PAQR7: variants seen among roughly 807,000 people sequenced by gnomAD.
The protein encoded by PAQR7 is progestin and adipoQ receptor family member 7.
Under a neutral mutation model 24.6 loss-of-function variants are expected in PAQR7, and 14 were observed. The observed-to-expected ratio is 0.57, with a 90% CI of 0.38 to 0.89. The LOEUF is 0.89. Among genes scored for constraint, PAQR7 ranks in the 40% least tolerant of loss-of-function variants. PAQR7 has a pLI of 0.00. For synonymous variants in PAQR7, 189 were observed against 198.8 expected (o/e 0.95, Z 0.42); for missense variants, 351 against 444.0 (o/e 0.79, Z 1.88).
intron 1 of PAQR7, among the ~76,000 whole-genome samples, chr1:25,873,461 A>G (rs939597346): frequency 2.0e-5 from 3 of 152,122 alleles, no homozygotes; most frequent in Admixed American, 1.3e-4. Context: ...CAAAGTGTTT[A>G]AAGAAAAAGT....
intron 1 of PAQR7, among the ~76,000 whole-genome samples, chr1:25,874,263 C>A (rs1368973175): frequency 4.0e-5 from 6 of 151,578 alleles, no homozygotes; most frequent in Non-Finnish European, 8.8e-5. Flanking sequence ...TCACTGCAAC[C>A]TTGAACTCAC....
rs2048565146 is a variant in PAQR7, at chr1:25,867,288, G to A, written c.-23+3321C>T. On this transcript the variant is annotated intron_variant, in intron 2 of 2. Transcript: ENST00000675840. ...TGGCCTCAAGCGACCCTCCCACTCG[G>A]CCTCCCAAAGTGCTGGGATTACAAA... Among the ~76,000 whole-genome samples the A allele has an allele frequency of 2.0e-5, 3 of 152,108 alleles. No homozygotes were observed. In the South Asian group the frequency reaches 6.2e-4, roughly 31 times the overall value.
Position 25,863,146 on chromosome 1 carries a change from T to G in PAQR7, c.694A>C (p.Thr232Pro). 1 of 1,614,140 alleles carries G rather than the reference T, an allele frequency of 6.2e-7. No individual in the cohort carries two copies. Among genetic ancestry groups the G allele is most frequent in the Non-Finnish European group, 8.5e-7 (1 of 1,180,040 alleles). ...VHRIFVSSDP[T>P]TDDPALLYHK... ...TAGAGAAGAGCTGGATCATCCGTGG[T>G]GGGGTCGGAGGACACGAAGATACGA... Residue 232 changes from threonine (T) to proline (P), a missense_variant, in exon 3 of 3, where the codon ACC becomes CCC. By Grantham distance (38) the Thr-to-Pro change is conservative. Transcript: ENST00000675840. The surrounding 1 kb of genome is among the most constrained non-coding windows in gnomAD (Gnocchi z 6.1).
At chr1:25,870,069 A>T (rs1393546854) in intron 2 of PAQR7, among the ~76,000 whole-genome samples, 1 of 152,080 alleles carries the variant, frequency 6.6e-6, no homozygotes, top group East Asian at 1.9e-4. Flanking sequence ...ATGGAAAGGG[A>T]CTCTGATCCA....
At chr1:25,871,501 G>A (rs890623276) in intron 1 of PAQR7, among the ~76,000 whole-genome samples, 1 of 152,130 alleles carries the variant, frequency 6.6e-6, no homozygotes, top group Non-Finnish European at 1.5e-5. Flanking sequence ...GCTCCAGTGG[G>A]AGTGCCTCTG....
intron 1 of PAQR7, among the ~76,000 whole-genome samples, chr1:25,871,600 C>T (rs1458086848): frequency 6.6e-6 from 1 of 152,092 alleles, no homozygotes; most frequent in East Asian, 1.9e-4. Flanking sequence ...GTCAGCCCTC[C>T]TCACCTCTCT....
In PAQR7 at chr1:25,862,328, A is replaced by G; in HGVS notation, c.*471T>C. The stretch of plus-strand genomic sequence containing the variant: ...CTCCAACACTTGTGGCTGGGCTTCA[A>G]GGGACAGTAAGATCCTGTATATATT... On this transcript the variant is annotated 3_prime_UTR_variant, in exon 3 of 3. Coordinates refer to ENST00000675840, the MANE Select transcript of PAQR7 (RefSeq NM_178422.6). 1 of 160,922 alleles carries G rather than the reference A, an allele frequency of 6.2e-6. No individual in the cohort carries two copies. Among genetic ancestry groups the G allele is most frequent in the Non-Finnish European group, 1.4e-5 (1 of 73,708 alleles). 10.0% of individuals were successfully genotyped at this position (160,922 alleles called of 1,614,324 possible).
intron 2 of PAQR7, among the ~76,000 whole-genome samples, chr1:25,867,785 C>T (rs765572292): frequency 1.3e-5 from 2 of 152,244 alleles, no homozygotes; most frequent in Non-Finnish European, 2.9e-5. Context: ...GCCTGATTTG[C>T]ATTCCTAAGC....
At position 25,863,292 on chromosome 1, in the gene PAQR7, C is replaced by T. The variant is rs2048527570; in HGVS notation, c.548G>A (p.Trp183Ter). 3 of 1,614,118 alleles carry T rather than the reference C, an allele frequency of 1.9e-6. No homozygotes were observed. Among genetic ancestry groups the T allele is most frequent in the Admixed American group, 3.3e-5 (2 of 60,004 alleles). ...VFLPMAAFLAWLSCIGSCYNK... is the reference protein window; with the variant it reads ...VFLPMAAFLA ...ATAGCAGGAGCCAATGCAGGAAAGCCAGGCGAGAAAGGCAGCCATGGGCAG... is the reference window on the plus strand; with the variant it reads ...ATAGCAGGAGCCAATGCAGGAAAGCTAGGCGAGAAAGGCAGCCATGGGCAG... Residue 183 changes from tryptophan to a stop codon, truncating the protein, a stop_gained, in exon 3 of 3, where the codon TGG (tryptophan) becomes TAG (stop). Coordinates refer to ENST00000675840, the MANE Select transcript of PAQR7 (RefSeq NM_178422.6). LOFTEE classifies it high-confidence loss of function. This position sits in a 1 kb window ranked among gnomAD's most constrained non-coding sequence, Gnocchi z 6.1.
intron 2 of PAQR7, among the ~76,000 whole-genome samples, chr1:25,865,312 C>T (rs1235078702): frequency 1.3e-5 from 2 of 152,190 alleles, no homozygotes; most frequent in Non-Finnish European, 2.9e-5. Context: ...CAAGGGGAGG[C>T]AGTTTGTCTC....
intron 1 of PAQR7, among the ~76,000 whole-genome samples, chr1:25,874,655 CCAGACTCCGAATCCATCGAACTGTT>C (rs1372850330): frequency 6.6e-6 from 1 of 152,176 alleles, no homozygotes; most frequent in Non-Finnish European, 1.5e-5. Flanking sequence ...CCAGGAGCAG[CCAGACTCCGAATCCATCGAACTGTT>C]CAGACTCCGA....
chr1:25,865,527 A>AGGCCG (rs1264182777), intron 2 of PAQR7, among the ~76,000 whole-genome samples: 2 of 150,050 alleles, frequency 1.3e-5, no homozygotes, highest in Non-Finnish European at 3.0e-5. Context: ...ATACAAAACT[A>AGGCCG]GGCCGGGCAT....
At chr1:25,870,263 T>A (rs2124197488) in intron 2 of PAQR7, among the ~76,000 whole-genome samples, 1 of 152,292 alleles carries the variant, frequency 6.6e-6, no homozygotes, top group Middle Eastern at 3.4e-3. Flanking sequence ...CCTCCAAGTC[T>A]GGCAAATTGC....
At chr1:25,873,287 G>A (rs993582570) in intron 1 of PAQR7, among the ~76,000 whole-genome samples, 1 of 152,198 alleles carries the variant, frequency 6.6e-6, no homozygotes, top group Non-Finnish European at 1.5e-5. Flanking sequence ...ACATCTATCT[G>A]ACTCCAAAAC....
At chr1:25,865,967 CAA>C (rs1401805855) in intron 2 of PAQR7, among the ~76,000 whole-genome samples, 12 of 139,520 alleles carry the variant, frequency 8.6e-5, no homozygotes, top group African/African-American at 3.0e-4. Flanking sequence ...GCCTGGGCAA[CAA>C]GAGGGAAACT....
rs180897717 is a variant in PAQR7, at chr1:25,865,623, C to A, written c.-22-1762G>T. Among the ~76,000 whole-genome samples, 183 of 152,284 alleles carry A rather than the reference C, an allele frequency of 1.2e-3. 2 individuals are homozygous for A. Among genetic ancestry groups the A allele is most frequent in the East Asian group, 0.011 (56 of 5,178 alleles). On this transcript the variant is annotated intron_variant, in intron 2 of 2. Transcript: ENST00000675840. ...AGGAGATCGAGACCATCCTGGCTAA[C>A]ACGGTGAAACCTCATCTCTACTAAA...
chr1:25,873,976 C>T lies in PAQR7; in HGVS notation c.-109+1512G>A, dbSNP rs146415657. Among the ~76,000 whole-genome samples, 1,052 of 152,232 alleles carry T rather than the reference C, an allele frequency of 6.9e-3. 10 individuals are homozygous for T. Among genetic ancestry groups the T allele is most frequent in the African/African-American group, 0.023 (965 of 41,534 alleles). On this transcript the variant is annotated intron_variant, in intron 1 of 2. Transcript: ENST00000675840. Reference sequence around the variant, plus strand: ...TCGGCTCACTGCAACCTCCGCCTCCCGGCTTCAAGCGATTCTCCTGCCTCA... The same window carrying T: ...TCGGCTCACTGCAACCTCCGCCTCCTGGCTTCAAGCGATTCTCCTGCCTCA...
In PAQR7 at chr1:25,862,996, A is replaced by G; in HGVS notation, c.844T>C (p.Leu282=). Residue 282 remains leucine, a synonymous_variant, in exon 3 of 3, where the codon TTG becomes CTG. Transcript: ENST00000675840. ...AGCTGAGCCAGCGTGCACAGCACCA[A>G]GAAGATGTGGAAAAGTTGGTGGCCC... ...GQGHQLFHIF[L]VLCTLAQLEA... 2 of 1,614,174 alleles carry G rather than the reference A, an allele frequency of 1.2e-6. No individual in the cohort carries two copies. The highest frequency in any genetic ancestry group is 1.7e-6 in the Non-Finnish European group (2 of 1,180,036).
rs142174295 is a variant in PAQR7, at chr1:25,863,420, G to A, written c.420C>T (p.Phe140=). 1 of 1,614,238 alleles carries A rather than the reference G, an allele frequency of 6.2e-7. No homozygotes were observed. The highest frequency in any genetic ancestry group is 1.3e-5 in the African/African-American group (1 of 75,076). The change falls in exon 3 of 3, where the codon TTC becomes TTT. Residue 140 remains phenylalanine (F), a synonymous_variant. Transcript: ENST00000675840. This position sits in a 1 kb window ranked among gnomAD's most constrained non-coding sequence, Gnocchi z 6.1. ...ACACGGCCACCCCCACATAGTCCAG[G>A]AAGAAGAAGCTGTAATGCCAGAACT... The part of the protein sequence containing the change: ...KSEFWHYSFF[F]LDYVGVAVYQ...
Sources: allele counts gnomAD v4.1 joint callset (sites outside exome capture counted in the v4.1 genomes callset), GRCh38; gene constraint gnomAD v4.1.1; non-coding constraint Gnocchi (gnomAD v3.1); transcripts MANE v1.5; gene names NCBI Gene and HGNC (gene_info 2026-07-23, HGNC 2026-07-21).